Variants in CAMKMT observed in about 807,000 individuals in gnomAD.
CAMKMT encodes the protein calmodulin-lysine N-methyltransferase, also known as CaM KMT.
In CAMKMT, 53 loss-of-function variants were observed where a neutral mutation model predicts 48.0. The observed-to-expected ratio is 1.10, with a 90% confidence interval of 0.89 to 1.39. CAMKMT has a LOEUF of 1.39. Ranked by LOEUF, CAMKMT falls within the 40% of genes most tolerant of loss-of-function variation. The pLI, the probability that CAMKMT is intolerant of heterozygous loss-of-function variation, is 0.00. For synonymous variants in CAMKMT, 165 were observed against 152.3 expected (o/e 1.08, Z -0.61); for missense variants, 428 against 402.7 (o/e 1.06, Z -0.54).
At chr2:44,645,254 GC>G (rs1673669157) in intron 3 of CAMKMT, among the ~76,000 whole-genome samples, 1 of 152,218 alleles carries the variant, frequency 6.6e-6, no homozygotes, top group South Asian at 2.1e-4. Context: ...CCCTGCTCCT[GC>G]CTTCGTGGCA....
intron 2 of CAMKMT, among the ~76,000 whole-genome samples, chr2:44,386,290 G>C (rs1391405087): frequency 1.3e-5 from 2 of 151,832 alleles, no homozygotes; most frequent in Non-Finnish European, 2.9e-5. Flanking sequence ...TCTCTTCTAG[G>C]TTTTCTAGTT....
At chr2:44,396,315 C>T (rs1681836519) in intron 3 of CAMKMT, among the ~76,000 whole-genome samples, 1 of 151,946 alleles carries the variant, frequency 6.6e-6, no homozygotes, top group Non-Finnish European at 1.5e-5. Context: ...AATTGAAATA[C>T]AAATTACACA....
chr2:44,400,352 GA>G (rs895321110), intron 3 of CAMKMT, among the ~76,000 whole-genome samples: 167 of 148,210 alleles, frequency 1.1e-3, no homozygotes, highest in Admixed American at 1.3e-3. Flanking sequence ...TTCTTTTAGA[GA>G]AAAAAAAAAT....
At chr2:44,724,998 T>C (rs938398769) in intron 7 of CAMKMT, among the ~76,000 whole-genome samples, 22 of 152,176 alleles carry the variant, frequency 1.4e-4, no homozygotes, top group African/African-American at 4.8e-4. Flanking sequence ...TATTCTGCAA[T>C]GCAAGGGACA....
At chr2:44,383,451 C>G (rs910460119) in intron 2 of CAMKMT, among the ~76,000 whole-genome samples, 4 of 152,200 alleles carry the variant, frequency 2.6e-5, no homozygotes, top group African/African-American at 9.6e-5. Flanking sequence ...GCATGAGCCA[C>G]TGCACCTGAC....
At chr2:44,679,684 C>G (rs1245373987) in intron 3 of CAMKMT, among the ~76,000 whole-genome samples, 1 of 152,194 alleles carries the variant, frequency 6.6e-6, no homozygotes, top group Non-Finnish European at 1.5e-5. Flanking sequence ...CCTTCATTGC[C>G]TTCCACAAAT....
intron 3 of CAMKMT, among the ~76,000 whole-genome samples, chr2:44,624,642 A>G (rs1343156220): frequency 6.6e-6 from 1 of 152,100 alleles, no homozygotes; most frequent in African/African-American, 2.4e-5. Context: ...CCATGTTCCT[A>G]CAAAGGACAT....
chr2:44,669,392 C>T (rs959391365), intron 3 of CAMKMT, among the ~76,000 whole-genome samples: 4 of 152,164 alleles, frequency 2.6e-5, no homozygotes, highest in South Asian at 2.1e-4. Context: ...TGGACATCCT[C>T]GTACTTGGCT....
chr2:44,677,576 C>T (rs547680984), intron 3 of CAMKMT, among the ~76,000 whole-genome samples: 5 of 152,064 alleles, frequency 3.3e-5, no homozygotes, highest in East Asian at 1.9e-4. Flanking sequence ...GGCATGGTGG[C>T]GGGCACCTGT....
At chr2:44,598,132 CCAAA>C (rs1183999428) in intron 3 of CAMKMT, among the ~76,000 whole-genome samples, 2 of 152,004 alleles carry the variant, frequency 1.3e-5, no homozygotes, top group African/African-American at 4.8e-5. Flanking sequence ...AATATCATTT[CCAAA>C]CAAACAATGA....
chr2:44,658,133 C>T (rs1674473935), intron 3 of CAMKMT, among the ~76,000 whole-genome samples: 1 of 152,152 alleles, frequency 6.6e-6, no homozygotes, highest in South Asian at 2.1e-4. Flanking sequence ...TGTAAAGCAC[C>T]GACGTCATTC....
At position 44,653,213 on chromosome 2, in the gene CAMKMT, C is replaced by T. The variant is rs1450219871; in HGVS notation, c.377-51070C>T. On this transcript the variant is annotated intron_variant, in intron 3 of 10. Coordinates refer to ENST00000378494, the MANE Select transcript of CAMKMT (RefSeq NM_024766.5). The surrounding 1 kb of genome is among the most constrained non-coding windows in gnomAD (Gnocchi z 5.2). ...TCGTGAGCTCCTTTAAAGCAAGGGA[C>T]ATCTCCTCTGCTTTTAATATCCTCT... Among the ~76,000 whole-genome samples the T allele has an allele frequency of 6.6e-6, 1 of 152,130 alleles. No homozygotes were observed. The highest frequency in any genetic ancestry group is 1.5e-5 in the Non-Finnish European group (1 of 68,028).
chr2:44,481,441 G>A (rs2104683395), intron 3 of CAMKMT, among the ~76,000 whole-genome samples: 1 of 151,976 alleles, frequency 6.6e-6, no homozygotes, highest in East Asian at 1.9e-4. Flanking sequence ...TGAACATTCT[G>A]TCTATCCTTT....
chr2:44,546,615 T>G (rs934853829), intron 3 of CAMKMT, among the ~76,000 whole-genome samples: 1 of 152,214 alleles, frequency 6.6e-6, no homozygotes, highest in Admixed American at 6.5e-5. Context: ...GTAAGTGAGC[T>G]GGGGAGTCAT....
At chr2:44,391,259 A>G (rs1450764748) in intron 3 of CAMKMT, among the ~76,000 whole-genome samples, 3 of 152,218 alleles carry the variant, frequency 2.0e-5, no homozygotes, top group African/African-American at 7.2e-5. Context: ...TTATAGAAAA[A>G]TATTTGTGGT....
intron 3 of CAMKMT, among the ~76,000 whole-genome samples, chr2:44,539,128 A>G (rs1348540417): frequency 2.0e-5 from 3 of 151,830 alleles, no homozygotes; most frequent in Non-Finnish European, 4.4e-5. Context: ...ACATAGTGAA[A>G]CCCCATCTCT....
At chr2:44,556,450 CTTTTTTTTTTTTT>C (rs1176467214) in intron 3 of CAMKMT, among the ~76,000 whole-genome samples, 2 of 50,278 alleles carry the variant, frequency 4.0e-5, no homozygotes, top group South Asian at 2.1e-3. Flanking sequence ...ATTTTTCTTT[CTTTTTTTTTTTTT>C]TTTTTTTTTT....
At chr2:44,724,325 A>G (rs1313783978) in intron 7 of CAMKMT, among the ~76,000 whole-genome samples, 1 of 152,220 alleles carries the variant, frequency 6.6e-6, no homozygotes, top group African/African-American at 2.4e-5. Context: ...AAATTCATAC[A>G]GGTAGAGATC....
intron 3 of CAMKMT, among the ~76,000 whole-genome samples, chr2:44,539,298 A>C (rs1422797138): frequency 1.3e-5 from 2 of 151,720 alleles, no homozygotes; most frequent in Admixed American, 6.6e-5. Flanking sequence ...AAAAAAAAAA[A>C]AAACCCAAAA....
Sources: allele counts gnomAD v4.1 joint callset (sites outside exome capture counted in the v4.1 genomes callset), GRCh38; gene constraint gnomAD v4.1.1; non-coding constraint Gnocchi (gnomAD v3.1); transcripts MANE v1.5; gene names NCBI Gene and HGNC (gene_info 2026-07-23, HGNC 2026-07-21).